The following PCDH9 variants were observed in gnomAD, a reference collection of about 807,000 sequenced individuals.
The protein encoded by PCDH9 is protocadherin-9.
A neutral mutation model predicts 70.6 loss-of-function variants in PCDH9; 24 were observed. That is an observed-to-expected ratio of 0.34 (90% CI 0.25 to 0.48). The LOEUF (loss-of-function observed/expected upper bound fraction) is 0.48. PCDH9 is among the 20% of genes least tolerant of loss of function. PCDH9 has a pLI of 0.99. For missense variants in PCDH9, 1,281 were observed against 1,503.6 expected (o/e 0.85, Z 2.45); for synonymous variants, 562 against 558.5 (o/e 1.01, Z -0.09).
At chr13:66,551,271 T>A (rs1961475761) in intron 4 of PCDH9, among the ~76,000 whole-genome samples, 1 of 152,150 alleles carries the variant, frequency 6.6e-6, no homozygotes, top group Non-Finnish European at 1.5e-5. Flanking sequence ...TAGATTGTTA[T>A]TTTTTATAGG....
chr13:66,998,639 T>C (rs1473918506), intron 2 of PCDH9, among the ~76,000 whole-genome samples: 1 of 152,216 alleles, frequency 6.6e-6, no homozygotes, highest in Non-Finnish European at 1.5e-5. Context: ...TCAGGCATCG[T>C]TGACTTCTCC....
intron 3 of PCDH9, among the ~76,000 whole-genome samples, chr13:66,874,914 AGT>A (rs36045690): frequency 3.4e-3 from 466 of 137,426 alleles, no homozygotes; most frequent in East Asian, 9.9e-3. Flanking sequence ...CAAAAGCAGC[AGT>A]GTGTGTGTGT....
intron 4 of PCDH9, among the ~76,000 whole-genome samples, chr13:66,375,429 A>G (rs891264155): frequency 6.7e-6 from 1 of 149,840 alleles, no homozygotes; most frequent in African/African-American, 2.5e-5. Flanking sequence ...ATGTAATAAG[A>G]AAAAAAAACT....
intron 3 of PCDH9, among the ~76,000 whole-genome samples, chr13:66,703,595 T>G (rs969446383): frequency 6.6e-6 from 1 of 152,182 alleles, no homozygotes; most frequent in Admixed American, 6.5e-5. Flanking sequence ...ATAGATTAAT[T>G]GAAATTAAGA....
intron 4 of PCDH9, among the ~76,000 whole-genome samples, chr13:66,558,369 G>A (rs760336784): frequency 1.3e-5 from 2 of 151,972 alleles, no homozygotes; most frequent in East Asian, 3.9e-4. Flanking sequence ...TAAAAGAAGT[G>A]AAGGGTTCTG....
chr13:66,741,830 C>A (rs10459388), intron 3 of PCDH9, among the ~76,000 whole-genome samples: 48,402 of 60,068 alleles, frequency 0.81, 21,546 homozygotes, highest in Non-Finnish European at 1. Flanking sequence ...CCACTGCTCA[C>A]GGAAATAAAA....
At chr13:66,547,553 T>G (rs1961263808) in intron 4 of PCDH9, among the ~76,000 whole-genome samples, 1 of 152,154 alleles carries the variant, frequency 6.6e-6, no homozygotes, top group Admixed American at 6.5e-5. Flanking sequence ...TCTTACATCC[T>G]GTCTGTACTT....
At chr13:66,783,321 T>C (rs190667263) in intron 3 of PCDH9, among the ~76,000 whole-genome samples, 1 of 152,238 alleles carries the variant, frequency 6.6e-6, no homozygotes, top group East Asian at 1.9e-4. Flanking sequence ...GCTCATCTTG[T>C]CCTACTCTGC....
intron 2 of PCDH9, among the ~76,000 whole-genome samples, chr13:67,168,655 C>T (rs762173175): frequency 7.9e-5 from 12 of 151,898 alleles, no homozygotes; most frequent in Non-Finnish European, 1.6e-4. Context: ...TACTTGAGTG[C>T]AAATAGTTGA....
At chr13:66,335,852 G>A (rs1225291029) in intron 4 of PCDH9, among the ~76,000 whole-genome samples, 1 of 152,104 alleles carries the variant, frequency 6.6e-6, no homozygotes. Flanking sequence ...ACACGGGGGT[G>A]TCTACTGTAT....
intron 2 of PCDH9, among the ~76,000 whole-genome samples, chr13:67,161,276 A>G (rs1419472064): frequency 6.6e-6 from 1 of 152,226 alleles, no homozygotes; most frequent in Non-Finnish European, 1.5e-5. Flanking sequence ...CCTCCCAGTT[A>G]ATGAAATACC....
intron 3 of PCDH9, among the ~76,000 whole-genome samples, chr13:66,666,363 C>T (rs990030041): frequency 6.6e-6 from 1 of 152,050 alleles, no homozygotes; most frequent in Non-Finnish European, 1.5e-5. Context: ...GTGGTTCCAG[C>T]TGGCTCAAGG....
chr13:66,599,551 A>C (rs1376004531), intron 4 of PCDH9, among the ~76,000 whole-genome samples: 1 of 143,476 alleles, frequency 7.0e-6, no homozygotes, highest in African/African-American at 2.5e-5. Flanking sequence ...ATTTTTAATT[A>C]ATTTTTTTTT....
At chr13:66,878,117 G>A (rs1007421216) in intron 3 of PCDH9, among the ~76,000 whole-genome samples, 1 of 152,158 alleles carries the variant, frequency 6.6e-6, no homozygotes, top group Non-Finnish European at 1.5e-5. Flanking sequence ...GAAAAAAGAA[G>A]ATGCAGAGCA....
chr13:66,583,681 C>T (rs2076925739), intron 4 of PCDH9, among the ~76,000 whole-genome samples: 1 of 151,964 alleles, frequency 6.6e-6, no homozygotes, highest in Admixed American at 6.6e-5. Flanking sequence ...ATCATGTTCT[C>T]TGTTTAGCAA....
chr13:66,596,572 T>A (rs1320345755), intron 4 of PCDH9, among the ~76,000 whole-genome samples: 1 of 151,684 alleles, frequency 6.6e-6, no homozygotes, highest in African/African-American at 2.4e-5. Flanking sequence ...ATCTTTCTTT[T>A]TAAAATTTTA....
intron 4 of PCDH9, among the ~76,000 whole-genome samples, chr13:66,453,325 A>G (rs1315605936): frequency 6.6e-6 from 1 of 152,180 alleles, no homozygotes; most frequent in African/African-American, 2.4e-5. Flanking sequence ...TCTCAAATCT[A>G]ACTTCCTACA....
chr13:66,938,991 A>G (rs1396333213), intron 2 of PCDH9, among the ~76,000 whole-genome samples: 1 of 152,098 alleles, frequency 6.6e-6, no homozygotes, highest in East Asian at 1.9e-4. Context: ...ATACTAGAAT[A>G]TTTATATTAA....
rs77488917 is a variant in PCDH9, at chr13:67,169,252, A to T, written c.3036+56153T>A. Among the ~76,000 whole-genome samples, 772 of 152,298 alleles carry T rather than the reference A, an allele frequency of 5.1e-3. 19 individuals carry two copies. The highest frequency in any genetic ancestry group is 0.036 in the East Asian group (189 of 5,182). The stretch of plus-strand genomic sequence containing the variant: ...AGAACTATATAATTGTTGAAAATCC[A>T]CCTTTTAGGTAAATCCAAGTTATAA... On this transcript the variant is annotated intron_variant, in intron 2 of 4. Coordinates refer to ENST00000377865, the MANE Select transcript of PCDH9 (RefSeq NM_203487.3).
Sources: gnomAD v4.1 joint callset for allele counts (sites outside exome capture counted in the v4.1 genomes callset) on GRCh38, gnomAD v4.1.1 for gene constraint, MANE v1.5 for transcripts, NCBI Gene and HGNC (gene_info 2026-07-23, HGNC 2026-07-21) for gene names.